PSME1: variants seen among roughly 807,000 people sequenced by gnomAD.
PSME1 encodes the protein proteasome activator complex subunit 1.
A neutral mutation model predicts 38.4 loss-of-function variants in PSME1; 15 were observed. The ratio of observed to expected loss-of-function variants is 0.39; its 90% confidence interval spans 0.26 to 0.60. The LOEUF is 0.60. Among genes scored for constraint, PSME1 ranks in the 20% least tolerant of loss-of-function variants. PSME1 has a pLI of 0.53. For missense variants in PSME1, 249 were observed against 305.6 expected (o/e 0.81, Z 1.38); for synonymous variants, 106 against 106.8 (o/e 0.99, Z 0.05).
rs780534105 is a variant in PSME1, at chr14:24,136,294, A to C, written c.32A>C (p.Gln11Pro). ...ATGCTCAGGGTCCAGCCCGAGGCCC[A>C]AGCCAAGGTGAGCGCCGCGGGGTCT... is the stretch of plus-strand genomic sequence containing the variant. MAMLRVQPEA[Q>P]AKVDVFREDL... Residue 11 changes from glutamine (Q) to proline (P), a missense_variant, in exon 1 of 11, where the codon CAA becomes CCA. Gln to Pro is a moderately conservative substitution (Grantham distance 76, BLOSUM62 -1). Coordinates refer to ENST00000206451, the MANE Select transcript of PSME1 (RefSeq NM_006263.4). The surrounding 1 kb of genome is among the most constrained non-coding windows in gnomAD (Gnocchi z 4.8). The C allele has an allele frequency of 6.5e-7, 1 of 1,528,284 alleles. No individual in the cohort carries two copies. The highest frequency in any genetic ancestry group is 1.2e-5 in the South Asian group (1 of 81,036). The allele number at this position is 1,528,284 out of a possible 1,614,324, so 94.7% of individuals were successfully genotyped here.
chr14:24,136,849 C>T lies in PSME1; in HGVS notation c.40-136C>T, dbSNP rs1411297656. Reference sequence around the variant, plus strand: ...CAACCCACCCTACAGGCATCCATCTCGCTTTCTTCAGGTCTGGCCTTAGAG... The same window carrying T: ...CAACCCACCCTACAGGCATCCATCTTGCTTTCTTCAGGTCTGGCCTTAGAG... On this transcript the variant is annotated intron_variant, in intron 1 of 10. Transcript: ENST00000206451. The surrounding 1 kb of genome is among the most constrained non-coding windows in gnomAD (Gnocchi z 4.8). The T allele has an allele frequency of 3.0e-6, 3 of 993,782 alleles. No homozygotes were observed. The highest frequency in any genetic ancestry group is 3.1e-6 in the Non-Finnish European group (2 of 637,286). The allele number at this position is 993,782 out of a possible 1,614,324, so 61.6% of individuals were successfully genotyped here. A position where few individuals can be genotyped will look rare whatever the true frequency, so the allele number is the denominator to read the frequency against.
At chr14:24,137,622 C>CT in intron 5 of PSME1, 57 bp downstream of exon 5, 1 of 1,611,920 alleles carries the variant, frequency 6.2e-7, no homozygotes, top group Non-Finnish European at 8.5e-7. Flanking sequence ...GGAGCTCCTC[C>CT]TAAGGATTTC....
Position 24,138,243 on chromosome 14 carries a change from C to A in PSME1, c.507C>A (p.Gly169=). The A allele has an allele frequency of 1.9e-6, 3 of 1,614,234 alleles. No individual in the cohort carries two copies. Among genetic ancestry groups the A allele is most frequent in the Non-Finnish European group, 2.5e-6 (3 of 1,180,040 alleles). ...CCAGCCTCCACACCAAGCTAGAAGGCTTCCACACTCAAATCTCTAAGTGAG... is the reference window on the plus strand; with the variant it reads ...CCAGCCTCCACACCAAGCTAGAAGGATTCCACACTCAAATCTCTAAGTGAG... ...LMTSLHTKLE[G]FHTQISKYFS... The change falls in exon 8 of 11, where the codon GGC becomes GGA. Residue 169 remains glycine, a synonymous_variant. Coordinates refer to ENST00000206451, the MANE Select transcript of PSME1 (RefSeq NM_006263.4).
rs758912168 is a variant in PSME1, at chr14:24,138,054, C to G, written c.396C>G (p.Thr132=). Residue 132 remains threonine (T), a synonymous_variant, in exon 7 of 11, where the codon ACC becomes ACG. Coordinates refer to ENST00000206451, the MANE Select transcript of PSME1 (RefSeq NM_006263.4). ...KDVIEQLNLV[T]TWLQLQIPRI... is the part of the protein sequence containing the mutation. ...ATGCCATTCCCTCTTCCCAGGTCAC[C>G]ACCTGGTTGCAGCTGCAGATACCTC... 1 of 1,614,164 alleles carries G rather than the reference C, an allele frequency of 6.2e-7. No homozygotes were observed. The highest frequency in any genetic ancestry group is 8.5e-7 in the Non-Finnish European group (1 of 1,179,982).
Position 24,136,484 on chromosome 14 carries a change from C to T in PSME1, c.39+183C>T. On this transcript the variant is annotated intron_variant, in intron 1 of 10. Coordinates refer to ENST00000206451, the MANE Select transcript of PSME1 (RefSeq NM_006263.4). The surrounding 1 kb of genome is among the most constrained non-coding windows in gnomAD (Gnocchi z 4.8). ...CTGCCTGCGGGGAGAGGCGAGGCGG[C>T]CGTGGTTCTGCGGGGTGAGGTGAAG... 1 of 588,994 alleles carries T rather than the reference C, an allele frequency of 1.7e-6. No individual in the cohort carries two copies. The highest frequency in any genetic ancestry group is 2.7e-5 in the South Asian group (1 of 37,294). 36.5% of individuals were successfully genotyped at this position (588,994 alleles called of 1,614,324 possible).
At position 24,136,701 on chromosome 14, in the gene PSME1, T is replaced by C. The variant is rs991743738; in HGVS notation, c.40-284T>C. On this transcript the variant is annotated intron_variant, in intron 1 of 10. Transcript: ENST00000206451. The surrounding 1 kb of genome is among the most constrained non-coding windows in gnomAD (Gnocchi z 4.8). ...CCTGCCAGGCGACCCCAGAGATCTG[T>C]TCTCACGTGAACACTGGCCCTTCAC... 3.3e-5 allele frequency among the ~76,000 whole-genome samples: 5 copies of C among 151,714 alleles called. No homozygotes were observed. The highest frequency in any genetic ancestry group is 1.2e-4 in the African/African-American group (5 of 41,278).
At chr14:24,137,830 A>T (rs1566602039) in intron 6 of PSME1, 33 bp downstream of exon 6, 24 of 1,602,484 alleles carry the variant, frequency 1.5e-5, no homozygotes, top group Non-Finnish European at 2.0e-5. Context: ...TCAGGCTTCA[A>T]GTCAAACCAT....
chr14:24,136,627 AC>A lies in PSME1; in HGVS notation c.39+330del, dbSNP rs967109639. 4.0e-5 allele frequency among the ~76,000 whole-genome samples: 6 copies of A among 151,724 alleles called. No individual in the cohort carries two copies. The highest frequency in any genetic ancestry group is 5.9e-5 in the Non-Finnish European group (4 of 67,912). On this transcript the variant is annotated intron_variant, in intron 1 of 10. Coordinates refer to ENST00000206451, the MANE Select transcript of PSME1 (RefSeq NM_006263.4). The surrounding 1 kb of genome is among the most constrained non-coding windows in gnomAD (Gnocchi z 4.8). ...TCCCTCAGGGAGGGTCCCGGGGCCC[AC>A]CCCATCCCTGTCCTACTTGCAGAGG...
rs773940134 is a variant in PSME1, at chr14:24,137,210, C to A, written c.135+5C>A. 6.2e-7 allele frequency: 1 copy of A among 1,613,916 alleles called. No homozygotes were observed. Among genetic ancestry groups the A allele is most frequent in the South Asian group, 1.1e-5 (1 of 91,074 alleles). ...GAGCTGGATGCATTTTTAAAGGTAC[C>A]GCGGCTGGGCAGGGAGCTAGGGAGT... On this transcript the variant is annotated splice_donor_5th_base_variant and intron_variant, in intron 3 of 10. Transcript: ENST00000206451.
In PSME1 at chr14:24,138,435, G is replaced by A. The variant is rs566991981; in HGVS notation, c.582+36G>A. ...CCCAGGTCAGGGTGCATGGGGGAAG[G>A]ACACATGTAAGGTCAGGCCTGACCC... On this transcript the variant is annotated intron_variant, in intron 9 of 10. Transcript: ENST00000206451. 5.6e-6 allele frequency: 9 copies of A among 1,614,190 alleles called. No individual in the cohort carries two copies. In the African/African-American group the frequency reaches 1.2e-4, roughly 22 times the overall value.
intron 6 of PSME1, 26 bp from the exon 7 acceptor site, chr14:24,138,023 G>A: frequency 6.2e-7 from 1 of 1,611,646 alleles, no homozygotes; most frequent in Non-Finnish European, 8.5e-7. Flanking sequence ...GGGCTGATGT[G>A]GCATTATGCC....
In PSME1 at chr14:24,137,315, C is replaced by G; in HGVS notation, c.136-6C>G. On this transcript the variant is annotated splice_region_variant and splice_polypyrimidine_tract_variant and intron_variant, in intron 3 of 10. Coordinates refer to ENST00000206451, the MANE Select transcript of PSME1 (RefSeq NM_006263.4). ...CACCTCCAGCCCTCCTCCCACCCTA[C>G]ACCAGGAGCCAGCTCTCAATGAAGC... 6.2e-7 allele frequency: 1 copy of G among 1,613,898 alleles called. No individual in the cohort carries two copies.
rs765464048 is a variant in PSME1 at position 24,137,356 on chromosome 14, G to A, written c.171G>A (p.Leu57=). Residue 57 remains leucine (L), a synonymous_variant, in exon 4 of 11, where the codon CTG becomes CTA. Transcript: ENST00000206451. ...TCAATGAAGCCAACTTGAGCAATCT[G>A]AAGGCCCCATTGGACATCCCAGTGC... is the stretch of plus-strand genomic sequence containing the variant. ...PALNEANLSN[L]KAPLDIPVPD... 6.2e-7 allele frequency: 1 copy of A among 1,614,062 alleles called. No individual in the cohort carries two copies. The highest frequency in any genetic ancestry group is 2.2e-5 in the East Asian group (1 of 44,870).
intron 6 of PSME1, 28 bp from the exon 7 acceptor site, chr14:24,138,021 G>A: frequency 2.5e-6 from 4 of 1,611,304 alleles, no homozygotes; most frequent in Non-Finnish European, 3.4e-6. Flanking sequence ...GAGGGCTGAT[G>A]TGGCATTATG....
rs774700502 is a variant in PSME1, at chr14:24,137,599, A to T, written c.292+34A>T. 2.6e-5 allele frequency: 42 copies of T among 1,613,310 alleles called. No homozygotes were observed. The South Asian group carries it at 4.4e-4, about 17-fold the overall frequency. On this transcript the variant is annotated intron_variant, in intron 5 of 10. Transcript: ENST00000206451. ...AACCACAATGGTGGGAAGAGACTTG[A>T]GTCCCACTCACAGGAGCTCCTCCTA... is the stretch of plus-strand genomic sequence containing the variant.
rs769131101 is a variant in PSME1, at chr14:24,136,226, C to G, written c.-37C>G. 5.9e-6 allele frequency: 9 copies of G among 1,517,116 alleles called. No homozygotes were observed. The highest frequency in any genetic ancestry group is 7.9e-6 in the Non-Finnish European group (9 of 1,132,458). The allele number at this position is 1,517,116 out of a possible 1,614,324, so 94.0% of individuals were successfully genotyped here. The stretch of plus-strand genomic sequence containing the variant: ...TCGCTTTCCCTTCGCGGTGCCCACT[C>G]CACTCCTTGTGCGGCGCTAGGCCCC... On this transcript the variant is annotated 5_prime_UTR_variant, in exon 1 of 11. Coordinates refer to ENST00000206451, the MANE Select transcript of PSME1 (RefSeq NM_006263.4). This position sits in a 1 kb window ranked among gnomAD's most constrained non-coding sequence, Gnocchi z 4.8.
chr14:24,136,382 G>C lies in PSME1; in HGVS notation c.39+81G>C. On this transcript the variant is annotated intron_variant, in intron 1 of 10. Coordinates refer to ENST00000206451, the MANE Select transcript of PSME1 (RefSeq NM_006263.4). This position sits in a 1 kb window ranked among gnomAD's most constrained non-coding sequence, Gnocchi z 4.8. Reference sequence around the variant, plus strand: ...GGGGGCATCCCCGACCCGCCCCCCAGGCTCCCACGCGAGTCGGGGGCAGTC... The same window carrying C: ...GGGGGCATCCCCGACCCGCCCCCCACGCTCCCACGCGAGTCGGGGGCAGTC... 7.3e-7 allele frequency: 1 copy of C among 1,361,498 alleles called. No individual in the cohort carries two copies. The highest frequency in any genetic ancestry group is 9.7e-7 in the Non-Finnish European group (1 of 1,033,212). The allele number at this position is 1,361,498 out of a possible 1,614,324, so 84.3% of individuals were successfully genotyped here. A position where few individuals can be genotyped will look rare whatever the true frequency, so the allele number is the denominator to read the frequency against.
At position 24,136,227 on chromosome 14, in the gene PSME1, C is replaced by A. The variant is rs2037897593; in HGVS notation, c.-36C>A. Reference sequence around the variant, plus strand: ...CGCTTTCCCTTCGCGGTGCCCACTCCACTCCTTGTGCGGCGCTAGGCCCCC... The same window carrying A: ...CGCTTTCCCTTCGCGGTGCCCACTCAACTCCTTGTGCGGCGCTAGGCCCCC... On this transcript the variant is annotated 5_prime_UTR_variant, in exon 1 of 11. Coordinates refer to ENST00000206451, the MANE Select transcript of PSME1 (RefSeq NM_006263.4). This position sits in a 1 kb window ranked among gnomAD's most constrained non-coding sequence, Gnocchi z 4.8. The A allele has an allele frequency of 6.6e-7, 1 of 1,517,368 alleles. No homozygotes were observed. Among genetic ancestry groups the A allele is most frequent in the Non-Finnish European group, 8.8e-7 (1 of 1,132,612 alleles). 94.0% of individuals were successfully genotyped at this position (1,517,368 alleles called of 1,614,324 possible).
At position 24,138,407 on chromosome 14, in the gene PSME1, A is replaced by C; in HGVS notation, c.582+8A>C. The C allele has an allele frequency of 4.3e-6, 7 of 1,614,166 alleles. No individual in the cohort carries two copies. The highest frequency in any genetic ancestry group is 5.9e-6 in the Non-Finnish European group (7 of 1,180,016). On this transcript the variant is annotated splice_region_variant and intron_variant, in intron 9 of 10. Coordinates refer to ENST00000206451, the MANE Select transcript of PSME1 (RefSeq NM_006263.4). ...GCCAAGCAGCCCCATGTGGTAGGTG[A>C]GGCCCAGGTCAGGGTGCATGGGGGA...
Sources: allele counts gnomAD v4.1 joint callset (sites outside exome capture counted in the v4.1 genomes callset), GRCh38; gene constraint gnomAD v4.1.1; non-coding constraint Gnocchi (gnomAD v3.1); transcripts MANE v1.5; gene names NCBI Gene and HGNC (gene_info 2026-07-23, HGNC 2026-07-21).